MACROD2: variants seen among roughly 807,000 people sequenced by gnomAD.
MACROD2 encodes the protein ADP-ribose glycohydrolase MACROD2.
In MACROD2, 36 loss-of-function variants were observed where a neutral mutation model predicts 70.4. The observed-to-expected ratio is 0.51, with a 90% confidence interval of 0.39 to 0.68. MACROD2 has a LOEUF of 0.68. Ranked by LOEUF, MACROD2 falls within the 30% of genes least tolerant of loss-of-function variation. MACROD2 has a pLI of 0.00. For synonymous variants in MACROD2, 172 were observed against 178.8 expected (o/e 0.96, Z 0.30); for missense variants, 496 against 538.4 (o/e 0.92, Z 0.78).
intron 5 of MACROD2, among the ~76,000 whole-genome samples, chr20:15,013,701 A>G (rs557015566): frequency 6.6e-6 from 1 of 151,958 alleles, no homozygotes; most frequent in Non-Finnish European, 1.5e-5. Context: ...CCCTCTGCCC[A>G]CTCCTGCTTC....
At chr20:15,801,048 C>G (rs2063720047) in intron 8 of MACROD2, among the ~76,000 whole-genome samples, 1 of 150,198 alleles carries the variant, frequency 6.7e-6, no homozygotes, top group South Asian at 2.1e-4. Context: ...GACACAAACA[C>G]TGCGGAAGTC....
At chr20:15,804,773 C>T (rs768405409) in intron 8 of MACROD2, among the ~76,000 whole-genome samples, 4 of 152,114 alleles carry the variant, frequency 2.6e-5, no homozygotes, top group Non-Finnish European at 4.4e-5. Flanking sequence ...CTGCAAATAC[C>T]TGTGACTCTT....
chr20:14,789,982 G>A (rs1044858349), intron 5 of MACROD2, among the ~76,000 whole-genome samples: 5 of 151,984 alleles, frequency 3.3e-5, no homozygotes, highest in Admixed American at 6.6e-5. Context: ...TTAGAAAAAT[G>A]TAAATATGTA....
At chr20:14,378,120 C>G (rs1409049657) in intron 3 of MACROD2, among the ~76,000 whole-genome samples, 2 of 152,174 alleles carry the variant, frequency 1.3e-5, no homozygotes, top group African/African-American at 4.8e-5. Flanking sequence ...GACCTTACCT[C>G]CAGAGTTTCC....
intron 5 of MACROD2, among the ~76,000 whole-genome samples, chr20:14,973,803 T>G (rs1029295701): frequency 1.3e-5 from 2 of 152,188 alleles, no homozygotes; most frequent in Non-Finnish European, 2.9e-5. Flanking sequence ...AGCACAGCTC[T>G]GCAGAACCTC....
At chr20:15,166,707 ATTTAT>A (rs968106015) in intron 5 of MACROD2, among the ~76,000 whole-genome samples, 3 of 151,942 alleles carry the variant, frequency 2.0e-5, no homozygotes, top group Non-Finnish European at 4.4e-5. Flanking sequence ...GATTAAGGGT[ATTTAT>A]TTAGTCTTAA....
At chr20:15,845,178 A>G (rs1476134331) in intron 8 of MACROD2, among the ~76,000 whole-genome samples, 2 of 152,090 alleles carry the variant, frequency 1.3e-5, no homozygotes, top group African/African-American at 4.8e-5. Flanking sequence ...ATAATTAGTA[A>G]AGTTGAGGTC....
At chr20:14,415,704 A>G (rs949276750) in intron 3 of MACROD2, among the ~76,000 whole-genome samples, 4 of 152,208 alleles carry the variant, frequency 2.6e-5, no homozygotes, top group South Asian at 2.1e-4. Flanking sequence ...AGCACACATA[A>G]TTGTGGTGAT....
intron 3 of MACROD2, among the ~76,000 whole-genome samples, chr20:14,414,705 C>G (rs545273613): frequency 6.6e-6 from 1 of 152,256 alleles, no homozygotes; most frequent in Admixed American, 6.5e-5. Flanking sequence ...TCAGTTGATT[C>G]CAGCCTTACT....
intron 5 of MACROD2, among the ~76,000 whole-genome samples, chr20:14,785,017 T>TA (rs1474868924): frequency 6.6e-6 from 1 of 152,060 alleles, no homozygotes; most frequent in Non-Finnish European, 1.5e-5. Flanking sequence ...GTAAATTCTG[T>TA]AAAAAACATT....
rs112920872 is a variant in MACROD2 at position 15,150,853 on chromosome 20, G to A, written c.419-79087G>A. On this transcript the variant is annotated intron_variant, in intron 5 of 17. Coordinates refer to ENST00000684519, the MANE Select transcript of MACROD2 (RefSeq NM_001351661.2). ...ACTAAAAAGGAGTGCTTAAAAGAGT[G>A]TTGTCTAAGTTGGCACCAGAGTTGG... Among the ~76,000 whole-genome samples, 3 of 152,062 alleles carry A rather than the reference G, an allele frequency of 2.0e-5. No individual in the cohort carries two copies. In the South Asian group the frequency reaches 6.2e-4, roughly 32 times the overall value.
At chr20:15,808,838 T>C (rs1179021273) in intron 8 of MACROD2, among the ~76,000 whole-genome samples, 1 of 152,126 alleles carries the variant, frequency 6.6e-6, no homozygotes, top group Non-Finnish European at 1.5e-5. Flanking sequence ...TTGGCTTGGG[T>C]AGAAGAATTA....
chr20:15,575,994 C>T (rs962754802), intron 8 of MACROD2, among the ~76,000 whole-genome samples: 3 of 152,138 alleles, frequency 2.0e-5, no homozygotes, highest in African/African-American at 7.2e-5. Context: ...CTTATGGTTT[C>T]ATCCATCTAT....
chr20:15,044,545 T>C (rs766950606), intron 5 of MACROD2, among the ~76,000 whole-genome samples: 28 of 152,128 alleles, frequency 1.8e-4, no homozygotes, highest in Non-Finnish European at 3.7e-4. Flanking sequence ...ATGGACTGTC[T>C]CAATGGACTT....
At chr20:14,799,459 T>A (rs1038567394) in intron 5 of MACROD2, among the ~76,000 whole-genome samples, 6 of 152,290 alleles carry the variant, frequency 3.9e-5, no homozygotes, top group Admixed American at 3.9e-4. Context: ...CAAAGGTTTT[T>A]ATACTCACTT....
chr20:15,769,577 A>G (rs563609906), intron 8 of MACROD2, among the ~76,000 whole-genome samples: 2 of 152,318 alleles, frequency 1.3e-5, no homozygotes, highest in South Asian at 4.1e-4. Flanking sequence ...CAATGATAAT[A>G]GTGCACATGA....
intron 3 of MACROD2, among the ~76,000 whole-genome samples, chr20:14,454,202 T>G (rs1035607797): frequency 2.6e-5 from 4 of 152,030 alleles, no homozygotes; most frequent in African/African-American, 9.7e-5. Context: ...GTTTTTAAAA[T>G]TCTATTCTTT....
chr20:14,017,358 G>A (rs2053008406), intron 2 of MACROD2, among the ~76,000 whole-genome samples: 1 of 152,012 alleles, frequency 6.6e-6, no homozygotes, highest in South Asian at 2.1e-4. Flanking sequence ...CCAATATTAT[G>A]TTGGCTAGAA....
chr20:15,492,506 C>T (rs2047244414), intron 7 of MACROD2, among the ~76,000 whole-genome samples: 1 of 152,098 alleles, frequency 6.6e-6, no homozygotes, highest in South Asian at 2.1e-4. Context: ...CTGTGATCCC[C>T]ACAACAGAAC....
Sources: allele counts gnomAD v4.1 joint callset (sites outside exome capture counted in the v4.1 genomes callset), GRCh38; gene constraint gnomAD v4.1.1; transcripts MANE v1.5; gene names NCBI Gene and HGNC (gene_info 2026-07-23, HGNC 2026-07-21).